ZNF124: variants seen among roughly 807,000 people sequenced by gnomAD.
ZNF124 encodes zinc finger protein 124.
Under a neutral mutation model 26.6 loss-of-function variants are expected in ZNF124, and 25 were observed. The observed-to-expected ratio is 0.94, with a 90% CI of 0.68 to 1.31. The LOEUF (loss-of-function observed/expected upper bound fraction) is 1.31. ZNF124 is among the 40% of genes most tolerant of loss of function. The probability of loss-of-function intolerance (pLI) is 0.00; values close to 1 mark genes in which losing one functional copy is unlikely to be tolerated. For synonymous variants in ZNF124, 129 were observed against 133.3 expected, an observed-to-expected ratio of 0.97 and a Z score of 0.22; for missense variants, 444 against 422.2, an observed-to-expected ratio of 1.05 and a Z score of -0.45.
downstream of ZNF124, among the ~76,000 whole-genome samples, chr1:247,151,910 CATG>C (rs941997163): frequency 1.1e-4 from 16 of 152,068 alleles, no homozygotes; most frequent in Admixed American, 9.2e-4. Context: ...GCTCCTGCTG[CATG>C]ATGTTTATAT....
chr1:247,163,920 A>G (rs935932948), intron 1 of ZNF124, among the ~76,000 whole-genome samples: 1 of 152,196 alleles, frequency 6.6e-6, no homozygotes. Context: ...CAAATCCAGC[A>G]CACACCAAAA....
intron 1 of ZNF124, among the ~76,000 whole-genome samples, chr1:247,170,695 C>T (rs1235168236): frequency 7.0e-6 from 1 of 143,212 alleles, no homozygotes; most frequent in Admixed American, 6.8e-5. Flanking sequence ...TAAGGGGGTC[C>T]ACGTGAGAGG....
At chr1:247,136,228 T>G (rs1672480537) in intron 3 of ZNF124, among the ~76,000 whole-genome samples, 1 of 152,088 alleles carries the variant, frequency 6.6e-6, no homozygotes, top group African/African-American at 2.4e-5. Context: ...GTAGATGACA[T>G]AATTTTATAT....
At chr1:247,169,449 G>C (rs575998262) in intron 1 of ZNF124, among the ~76,000 whole-genome samples, 2 of 152,286 alleles carry the variant, frequency 1.3e-5, no homozygotes, top group African/African-American at 4.8e-5. Context: ...AAGTGTGAAA[G>C]AATCCAGAGG....
Position 247,155,282 on chromosome 1 carries a change from A to C in ZNF124, c.*1284T>G, listed in dbSNP as rs769182330. Among the ~76,000 whole-genome samples the C allele has an allele frequency of 5.3e-4, 81 of 152,172 alleles. 1 individual carries two copies. Among genetic ancestry groups the C allele is most frequent in the Non-Finnish European group, 1.0e-3 (71 of 68,032 alleles). On this transcript the variant is annotated 3_prime_UTR_variant, in exon 4 of 4. Transcript: ENST00000543802. ...ACTCATTTATCAATGGCCAATTAAT[A>C]ACAAAATAATTAAACTACACAGAAG...
rs746309323 is a variant in ZNF124, at chr1:247,156,606, G to GT, written c.1015dup (p.Thr339AsnfsTer9). 2.6e-6 allele frequency: 4 copies of GT among 1,561,708 alleles called. No homozygotes were observed. Among genetic ancestry groups the GT allele is most frequent in the African/African-American group, 2.8e-5 (2 of 72,160 alleles). ...TTTATAGGGCTTTTCTCCAGTATGA[G>GT]TTTTTTTATGCTTCCAAAGGGTACT... is the stretch of plus-strand genomic sequence containing the variant. On this transcript the variant is annotated frameshift_variant, in exon 4 of 4. Coordinates refer to ENST00000543802, the MANE Select transcript of ZNF124 (RefSeq NM_001297568.2). LOFTEE classifies it high-confidence loss of function.
chr1:247,132,926 A>C (rs569836816), intron 3 of ZNF124, among the ~76,000 whole-genome samples: 1 of 152,176 alleles, frequency 6.6e-6, no homozygotes, highest in African/African-American at 2.4e-5. Context: ...TTTGAGACGC[A>C]AGTCTGCTGA....
In ZNF124 at chr1:247,157,056, C is replaced by T. The variant is rs138324282; in HGVS notation, c.566G>A (p.Arg189His). 3.3e-5 allele frequency: 53 copies of T among 1,612,542 alleles called. No homozygotes were observed. The highest frequency in any genetic ancestry group is 3.3e-5 in the Admixed American group (2 of 59,848). Residue 189 changes from arginine (R) to histidine (H), a missense_variant, in exon 4 of 4, where the codon CGT (arginine) becomes CAT (histidine). Physicochemically the swap from Arg to His is conservative, Grantham distance 29 (BLOSUM62 0). Transcript: ENST00000543802. ...ECKQCGKAFSRSSHLRDHERT... is the reference protein window; with the variant it reads ...ECKQCGKAFSHSSHLRDHERT... ...TTCATGGTCACGAAGGTGACTGGAA[C>T]GACTGAAGGCTTTCCCACATTGCTT...
At chr1:247,154,323 T>C (rs1194753767), downstream of ZNF124, among the ~76,000 whole-genome samples, 1 of 152,208 alleles carries the variant, frequency 6.6e-6, no homozygotes, top group Non-Finnish European at 1.5e-5. Flanking sequence ...TCCCTGCTTG[T>C]ACTTCTCCTT....
At chr1:247,148,833 G>C (rs1404555265) in intron 3 of ZNF124, among the ~76,000 whole-genome samples, 1 of 152,114 alleles carries the variant, frequency 6.6e-6, no homozygotes, top group African/African-American at 2.4e-5. Context: ...AGCCAGGTGT[G>C]GTGGCGGGTA....
intron 3 of ZNF124, among the ~76,000 whole-genome samples, chr1:247,132,997 T>C (rs1672406020): frequency 6.6e-6 from 1 of 152,186 alleles, no homozygotes; most frequent in South Asian, 2.1e-4. Flanking sequence ...GTTTTGTCTG[T>C]GGCTCCTCCT....
chr1:247,154,117 GACACAC>G (rs67344627), downstream of ZNF124, among the ~76,000 whole-genome samples: 4 of 149,584 alleles, frequency 2.7e-5, no homozygotes, highest in South Asian at 8.3e-4. Flanking sequence ...GCATATGTGT[GACACAC>G]ACACACACAC....
chr1:247,130,518 C>G (rs1355307238), intron 3 of ZNF124, among the ~76,000 whole-genome samples: 1 of 152,180 alleles, frequency 6.6e-6, no homozygotes, highest in Non-Finnish European at 1.5e-5. Context: ...TTTCCTGTTA[C>G]CTGGATGTCC....
intron 3 of ZNF124, among the ~76,000 whole-genome samples, chr1:247,144,084 A>G (rs1028379702): frequency 5.3e-5 from 8 of 152,104 alleles, no homozygotes; most frequent in Non-Finnish European, 1.2e-4. Context: ...TCCTTTCCCA[A>G]CATGATTTCC....
rs774211771 is a variant in ZNF124, at chr1:247,157,282, CTG to C, written c.338_339del (p.Thr113SerfsTer15). 14 of 1,609,284 alleles carry C rather than the reference CTG, an allele frequency of 8.7e-6. No individual in the cohort carries two copies. In the Admixed American group the frequency reaches 2.4e-4, roughly 27 times the overall value. On this transcript the variant is annotated frameshift_variant, in exon 4 of 4. Transcript: ENST00000543802. LOFTEE classifies it high-confidence loss of function. ...TAATGTCCATTTCCAGTGTGCATTA[CTG>C]TGTCTCTGTGAACCCTTGTGACAGA... ...SLSVTRVHRDTVMHTGNGHYG... is the reference protein window; with the variant it reads ...SLSVTRVHRDXVMHTGNGHYG...
chr1:247,153,165 A>T (rs1257778360), downstream of ZNF124, among the ~76,000 whole-genome samples: 1 of 151,718 alleles, frequency 6.6e-6, no homozygotes, highest in African/African-American at 2.4e-5. Context: ...AAAATCCAAT[A>T]CTCTGCACTG....
intron 3 of ZNF124, among the ~76,000 whole-genome samples, chr1:247,147,663 C>G (rs73137971): frequency 0.13 from 20,075 of 152,162 alleles, 1,895 homozygotes; most frequent in African/African-American, 0.26. Context: ...GAACATTTTG[C>G]ATATCAGAGT....
chr1:247,156,871 C>T lies in ZNF124; in HGVS notation c.751G>A (p.Gly251Arg). 6.2e-7 allele frequency: 1 copy of T among 1,612,930 alleles called. No individual in the cohort carries two copies. Among genetic ancestry groups the T allele is most frequent in the Non-Finnish European group, 8.5e-7 (1 of 1,179,714 alleles). The change falls in exon 4 of 4, where the codon GGA (glycine) becomes AGA (arginine). Residue 251 changes from glycine (G) to arginine (R), a missense_variant. Transcript: ENST00000543802. ...TCACCAGCATGAGCCTTTATATGTC[C>T]TTGCAAGGAACTGAGACAACTGAAA... ...KAFSCLSSLQ[G>R]HIKAHAGEEP...
At chr1:247,157,611 T>C (rs1174265860) in intron 3 of ZNF124, 3 of 602,486 alleles carry the variant, frequency 5.0e-6, no homozygotes, top group Admixed American at 6.0e-5. Flanking sequence ...AGTTATTTTC[T>C]TTTATTACTA....
Sources: allele counts gnomAD v4.1 joint callset (sites outside exome capture counted in the v4.1 genomes callset), GRCh38; gene constraint gnomAD v4.1.1; transcripts MANE v1.5; gene names NCBI Gene and HGNC (gene_info 2026-07-23, HGNC 2026-07-21).